The following WDR25 variants were observed in gnomAD, a reference collection of about 807,000 sequenced individuals.
The protein encoded by WDR25 is WD repeat domain 25.
A neutral mutation model predicts 47.7 loss-of-function variants in WDR25; 35 were observed. The ratio of observed to expected loss-of-function variants is 0.73; its 90% CI spans 0.56 to 0.97. The LOEUF is 0.97. Ranked by LOEUF, WDR25 falls within the 50% of genes least tolerant of loss-of-function variation. WDR25 has a pLI of 0.00. For synonymous variants in WDR25, 248 were observed against 278.9 expected (o/e 0.89, Z 1.10); for missense variants, 634 against 704.7 (o/e 0.90, Z 1.14).
chr14:100,469,199 A>G (rs777631439), intron 3 of WDR25, among the ~76,000 whole-genome samples: 53 of 152,084 alleles, frequency 3.5e-4, no homozygotes, highest in Middle Eastern at 3.4e-3. Context: ...CAAGAAGGAG[A>G]TGATAACTTG....
intron 2 of WDR25, among the ~76,000 whole-genome samples, chr14:100,454,029 A>G (rs1234919204): frequency 6.6e-6 from 1 of 152,192 alleles, no homozygotes; most frequent in Non-Finnish European, 1.5e-5. Context: ...CACTTTAGGA[A>G]GCACTTAGGA....
chr14:100,463,721 C>T (rs1899506772), intron 2 of WDR25, among the ~76,000 whole-genome samples: 1 of 152,206 alleles, frequency 6.6e-6, no homozygotes, highest in Non-Finnish European at 1.5e-5. Flanking sequence ...AACTGAGCTC[C>T]AGGTCCTCCT....
chr14:100,483,767 G>A (rs967969472), intron 3 of WDR25, among the ~76,000 whole-genome samples: 1 of 152,162 alleles, frequency 6.6e-6, no homozygotes, highest in Non-Finnish European at 1.5e-5. Flanking sequence ...CAGCCCAGGG[G>A]GAGGGGATGT....
chr14:100,459,623 T>C (rs1236707179), intron 2 of WDR25, among the ~76,000 whole-genome samples: 2 of 151,946 alleles, frequency 1.3e-5, no homozygotes, highest in African/African-American at 4.8e-5. Context: ...CCTCTATGCA[T>C]ATCTATCTCC....
In WDR25 at chr14:100,407,776, G is replaced by T. The variant is rs1408984778; in HGVS notation, c.822+26030G>T. Among the ~76,000 whole-genome samples the T allele has an allele frequency of 6.6e-6, 1 of 152,182 alleles. No individual in the cohort carries two copies. Among genetic ancestry groups the T allele is most frequent in the South Asian group, 2.1e-4 (1 of 4,828 alleles). ...CCCAGTTTGGCTAGGTTGAGTCTGG[G>T]TGCCAGAGATTAGAGCTGGGATTGG... On this transcript the variant is annotated intron_variant, in intron 2 of 6. Coordinates refer to ENST00000402312, the MANE Select transcript of WDR25 (RefSeq NM_001161476.3). This position sits in a 1 kb window ranked among gnomAD's most constrained non-coding sequence, Gnocchi z 4.1.
chr14:100,465,518 G>A (rs1206124161), intron 2 of WDR25, among the ~76,000 whole-genome samples: 1 of 152,190 alleles, frequency 6.6e-6, no homozygotes, highest in Admixed American at 6.5e-5. Context: ...TTTCATCCAT[G>A]TTGTAGCAAG....
At chr14:100,416,928 C>T (rs1242099132) in intron 2 of WDR25, among the ~76,000 whole-genome samples, 3 of 152,190 alleles carry the variant, frequency 2.0e-5, no homozygotes, top group Non-Finnish European at 4.4e-5. Context: ...AATACCTTTC[C>T]CAGGGAGAGT....
intron 2 of WDR25, among the ~76,000 whole-genome samples, chr14:100,460,335 A>C (rs1286703438): frequency 6.6e-6 from 1 of 151,908 alleles, no homozygotes; most frequent in African/African-American, 2.4e-5. Flanking sequence ...GATGGTCTTG[A>C]TCTCCTGACC....
chr14:100,446,074 C>T (rs1335913790), intron 2 of WDR25, among the ~76,000 whole-genome samples: 1 of 152,210 alleles, frequency 6.6e-6, no homozygotes, highest in Non-Finnish European at 1.5e-5. Flanking sequence ...ATTATACCCC[C>T]TGACTGTTTC....
chr14:100,507,416 G>A (rs1387069869), intron 4 of WDR25, among the ~76,000 whole-genome samples: 1 of 152,004 alleles, frequency 6.6e-6, no homozygotes, highest in Non-Finnish European at 1.5e-5. Context: ...GAATTTTAGA[G>A]CAGTTTTTTC....
chr14:100,410,293 C>T (rs1024939720), intron 2 of WDR25, among the ~76,000 whole-genome samples: 10 of 152,034 alleles, frequency 6.6e-5, no homozygotes, highest in Non-Finnish European at 1.3e-4. Context: ...AGGGTGTATG[C>T]GTCAAGGGCC....
chr14:100,507,397 G>A (rs1055871734), intron 4 of WDR25, among the ~76,000 whole-genome samples: 15 of 152,026 alleles, frequency 9.9e-5, no homozygotes, highest in African/African-American at 3.6e-4. Flanking sequence ...CTCTTTTTGG[G>A]TTTCATATGA....
rs144804747 is a variant in WDR25 at position 100,488,979 on chromosome 14, G to T, written c.1101+4855G>T. On this transcript the variant is annotated intron_variant, in intron 4 of 6. Transcript: ENST00000402312. This position sits in a 1 kb window ranked among gnomAD's most constrained non-coding sequence, Gnocchi z 4.2. ...CTGGAGTGAGCTGATGGGGTCAGCC[G>T]CCACTGTCATTGTGATAGAGGCCTG... is the stretch of plus-strand genomic sequence containing the variant. Among the ~76,000 whole-genome samples, 68 of 152,282 alleles carry T rather than the reference G, an allele frequency of 4.5e-4. No homozygotes were observed. Among genetic ancestry groups the T allele is most frequent in the African/African-American group, 1.5e-3 (64 of 41,542 alleles).
chr14:100,466,473 A>G (rs1899632375), intron 2 of WDR25, among the ~76,000 whole-genome samples: 1 of 152,214 alleles, frequency 6.6e-6, no homozygotes, highest in African/African-American at 2.4e-5. Context: ...TTCTCTTATT[A>G]AAGAAAATGA....
chr14:100,481,720 A>T lies in WDR25; in HGVS notation c.971-2274A>T, dbSNP rs188938873. On this transcript the variant is annotated intron_variant, in intron 3 of 6. Coordinates refer to ENST00000402312, the MANE Select transcript of WDR25 (RefSeq NM_001161476.3). ...TCCTAAAGAAAACCACTCCTTGGTCATTGCTCTCCCTGTCAGAATTGTGTG... is the reference window on the plus strand; with the variant it reads ...TCCTAAAGAAAACCACTCCTTGGTCTTTGCTCTCCCTGTCAGAATTGTGTG... 1.0e-3 allele frequency among the ~76,000 whole-genome samples: 157 copies of T among 152,238 alleles called. 1 individual carries two copies. The Middle Eastern group carries it at 0.014, about 13-fold the overall frequency.
At position 100,427,747 on chromosome 14, in the gene WDR25, T is replaced by C. The variant is rs550507530; in HGVS notation, c.823-40274T>C. Among the ~76,000 whole-genome samples the C allele has an allele frequency of 3.9e-5, 6 of 152,358 alleles. No individual in the cohort carries two copies. In the East Asian group the frequency reaches 1.2e-3, roughly 29 times the overall value. On this transcript the variant is annotated intron_variant, in intron 2 of 6. Transcript: ENST00000402312. ...GTGTCTGGGCTGTGAGAGAAATAGC[T>C]TCTGGCAGGAGTGCTGGGTTGATGG...
At chr14:100,507,539 G>A (rs567974318) in intron 4 of WDR25, among the ~76,000 whole-genome samples, 5 of 152,126 alleles carry the variant, frequency 3.3e-5, no homozygotes, top group South Asian at 2.1e-4. Context: ...CCATGAGCAC[G>A]GAATGGTTTT....
chr14:100,459,917 T>C (rs1293500761), intron 2 of WDR25, among the ~76,000 whole-genome samples: 7 of 102,576 alleles, frequency 6.8e-5, no homozygotes, highest in Admixed American at 4.2e-4. Flanking sequence ...TATATATATA[T>C]ATATATATAT....
At position 100,480,248 on chromosome 14, in the gene WDR25, GT is replaced by G. The variant is rs201746265; in HGVS notation, c.971-3744del. On this transcript the variant is annotated intron_variant, in intron 3 of 6. Coordinates refer to ENST00000402312, the MANE Select transcript of WDR25 (RefSeq NM_001161476.3). The stretch of plus-strand genomic sequence containing the variant: ...TGTTTACAGTCCCTTCTCCATACGG[GT>G]TGGATGGCCTAAAGCAGCCAGTTCT... Among the ~76,000 whole-genome samples the G allele has an allele frequency of 2.6e-3, 396 of 152,290 alleles. 5 individuals are homozygous for G. The highest frequency in any genetic ancestry group is 8.6e-3 in the African/African-American group (356 of 41,558).
Sources: gnomAD v4.1 joint callset for allele counts (sites outside exome capture counted in the v4.1 genomes callset) on GRCh38, gnomAD v4.1.1 for gene constraint, Gnocchi (gnomAD v3.1) non-coding constraint, MANE v1.5 for transcripts, NCBI Gene and HGNC (gene_info 2026-07-23, HGNC 2026-07-21) for gene names.